AGT: variants seen among roughly 807,000 people sequenced by gnomAD.
AGT encodes the protein angiotensinogen.
AGT carries 26 observed loss-of-function variants against 28.1 expected under a neutral mutation model. The observed-to-expected ratio is 0.92, with a 90% CI of 0.68 to 1.28. The LOEUF (loss-of-function observed/expected upper bound fraction) is 1.28, where lower values mean the gene tolerates loss of function less well. Among genes scored for constraint, AGT ranks in the 50% most tolerant of loss-of-function variants. AGT has a pLI of 0.00. For synonymous variants in AGT, 259 were observed against 259.6 expected (o/e 1.00, Z 0.02); for missense variants, 596 against 592.3 (o/e 1.01, Z -0.06).
chr1:230,743,351 C>T (rs1318252963), intron 1 of AGT, among the ~76,000 whole-genome samples: 1 of 152,230 alleles, frequency 6.6e-6, no homozygotes. Context: ...TCTCCTCCTT[C>T]TGTCACCACC....
At chr1:230,717,735 C>A (rs1480012251), upstream of AGT, among the ~76,000 whole-genome samples, 1 of 152,192 alleles carries the variant, frequency 6.6e-6, no homozygotes, top group Non-Finnish European at 1.5e-5. Context: ...CACTTCCCAG[C>A]ATTTCTGGTC....
chr1:230,709,862 A>G lies in AGT; in HGVS notation c.829+133T>C, dbSNP rs1663518450. 3.7e-6 allele frequency: 5 copies of G among 1,354,592 alleles called. No homozygotes were observed. In the South Asian group the frequency reaches 5.9e-5, roughly 16 times the overall value. The allele number at this position is 1,354,592 out of a possible 1,614,324, so 83.9% of individuals were successfully genotyped here. ...GACCCAGCGGAGCAGCCACTTCCCC[A>G]CTTCTCAAGGGTGGTCACCAGGTAT... On this transcript the variant is annotated intron_variant, in intron 2 of 4. Coordinates refer to ENST00000366667, the MANE Select transcript of AGT (RefSeq NM_001384479.1).
chr1:230,728,187 G>T (rs762663109), intron 1 of AGT, among the ~76,000 whole-genome samples: 1 of 152,134 alleles, frequency 6.6e-6, no homozygotes, highest in Non-Finnish European at 1.5e-5. Flanking sequence ...GTCTGAAAAG[G>T]AATCTGAAAA....
intron 1 of AGT, among the ~76,000 whole-genome samples, chr1:230,738,695 C>T (rs944755633): frequency 3.3e-5 from 5 of 151,892 alleles, no homozygotes; most frequent in African/African-American, 1.2e-4. Flanking sequence ...GAAAATGGTG[C>T]ATTAAAAAGA....
chr1:230,723,989 T>G (rs1663892086), intron 1 of AGT, among the ~76,000 whole-genome samples: 2 of 152,234 alleles, frequency 1.3e-5, no homozygotes. Context: ...AAGAATACTC[T>G]TACTAAACAA....
chr1:230,740,365 T>C (rs1412239760), intron 1 of AGT, among the ~76,000 whole-genome samples: 3 of 152,162 alleles, frequency 2.0e-5, no homozygotes, highest in African/African-American at 7.2e-5. Context: ...TATGTCATCC[T>C]GTGACTAAGA....
chr1:230,720,296 T>A (rs1225158308), intron 1 of AGT, among the ~76,000 whole-genome samples: 1 of 152,226 alleles, frequency 6.6e-6, no homozygotes, highest in Non-Finnish European at 1.5e-5. Context: ...AAGTTGTTTC[T>A]TACCTTGCAA....
chr1:230,706,038 G>C lies in AGT; in HGVS notation c.992C>G (p.Ala331Gly). The C allele has an allele frequency of 1.2e-6, 2 of 1,614,178 alleles. No homozygotes were observed. The highest frequency in any genetic ancestry group is 1.7e-6 in the Non-Finnish European group (2 of 1,180,044). The change falls in exon 3 of 5, where the codon GCC (alanine) becomes GGC (glycine). Residue 331 changes from alanine to glycine, a missense_variant. Physicochemically the swap from Ala to Gly is moderately conservative, Grantham distance 60 (BLOSUM62 0). Coordinates refer to ENST00000366667, the MANE Select transcript of AGT (RefSeq NM_001384479.1). ...GTGAGGCTGGATCAGCAGCAGGCAG[G>C]CGCTCTCAGTGAAGGGCACTTGAGT... is the stretch of plus-strand genomic sequence containing the variant. ...SVTQVPFTESACLLLIQPHYA... is the reference protein window; with the variant it reads ...SVTQVPFTESGCLLLIQPHYA...
chr1:230,722,084 C>G (rs1558292063), intron 1 of AGT, among the ~76,000 whole-genome samples: 1 of 152,020 alleles, frequency 6.6e-6, no homozygotes, highest in East Asian at 1.9e-4. Context: ...CCCGCCTGCT[C>G]TGTGCAGCCT....
intron 1 of AGT, among the ~76,000 whole-genome samples, chr1:230,712,897 C>T (rs970719970): frequency 6.6e-6 from 1 of 152,144 alleles, no homozygotes; most frequent in African/African-American, 2.4e-5. Context: ...TCTTGGCCAG[C>T]ACCTGCCCCT....
At chr1:230,711,358 A>G (rs11568051) in intron 1 of AGT, among the ~76,000 whole-genome samples, 280 of 152,060 alleles carry the variant, frequency 1.8e-3, no homozygotes, top group Non-Finnish European at 3.1e-3. Context: ...GAGGAAACCA[A>G]CTCTGCTGAT....
chr1:230,737,386 A>G (rs1045025810), intron 1 of AGT, among the ~76,000 whole-genome samples: 1 of 152,110 alleles, frequency 6.6e-6, no homozygotes, highest in Non-Finnish European at 1.5e-5. Context: ...ATCTCAGCTC[A>G]CTGCAACCTC....
chr1:230,710,716 G>T lies in AGT; in HGVS notation c.108C>A (p.Ile36=), dbSNP rs756582178. The T allele has an allele frequency of 3.7e-6, 6 of 1,614,132 alleles. No individual in the cohort carries two copies. Among genetic ancestry groups the T allele is most frequent in the Non-Finnish European group, 5.1e-6 (6 of 1,179,952 alleles). Residue 36 remains isoleucine, a synonymous_variant, in exon 2 of 5, where the codon ATC becomes ATA. Coordinates refer to ENST00000366667, the MANE Select transcript of AGT (RefSeq NM_001384479.1). ...GCTGCTCACAGGTACTCTCATTGTG[G>T]ATGACGAGGTGGAAGGGGTGTATGT... is the stretch of plus-strand genomic sequence containing the variant. ...RVYIHPFHLV[I]HNESTCEQLA...
intron 1 of AGT, among the ~76,000 whole-genome samples, chr1:230,720,027 G>C (rs7549689): frequency 0.2 from 30,295 of 152,050 alleles, 4,150 homozygotes; most frequent in East Asian, 0.49. Context: ...AAAGGTTTAG[G>C]GGGTGGATAT....
At chr1:230,733,340 A>G (rs1331416746) in intron 1 of AGT, among the ~76,000 whole-genome samples, 1 of 152,296 alleles carries the variant, frequency 6.6e-6, no homozygotes, top group East Asian at 1.9e-4. Context: ...TCTGATTGAA[A>G]TGATACAGCA....
At chr1:230,720,268 G>T (rs11122583) in intron 1 of AGT, among the ~76,000 whole-genome samples, 30,289 of 152,052 alleles carry the variant, frequency 0.2, 4,148 homozygotes, top group East Asian at 0.49. Flanking sequence ...CAAGCAGAGG[G>T]AGTTTCAGCA....
intron 1 of AGT, among the ~76,000 whole-genome samples, chr1:230,737,716 T>C (rs1327202875): frequency 6.6e-6 from 1 of 152,218 alleles, no homozygotes. Context: ...ATTTATCTTT[T>C]TAAGATAGCT....
At chr1:230,734,564 C>T (rs1342932653) in intron 1 of AGT, among the ~76,000 whole-genome samples, 1 of 151,676 alleles carries the variant, frequency 6.6e-6, no homozygotes, top group Non-Finnish European at 1.5e-5. Context: ...ATGTATTTTA[C>T]CATAATTTTT....
chr1:230,720,179 C>A (rs11122582), intron 1 of AGT, among the ~76,000 whole-genome samples: 12 of 151,678 alleles, frequency 7.9e-5, no homozygotes, highest in African/African-American at 2.9e-4. Context: ...AAATTCGGGC[C>A]GTGACTTCAC....
Sources: allele counts gnomAD v4.1 joint callset (sites outside exome capture counted in the v4.1 genomes callset), GRCh38; gene constraint gnomAD v4.1.1; transcripts MANE v1.5; gene names NCBI Gene and HGNC (gene_info 2026-07-23, HGNC 2026-07-21).